IL1RAPL2: variants seen among roughly 807,000 people sequenced by gnomAD.
The protein encoded by IL1RAPL2 is interleukin 1 receptor accessory protein like 2, also known as X-linked interleukin-1 receptor accessory protein-like 2.
IL1RAPL2 carries 3 observed loss-of-function variants against 44.1 expected under a neutral mutation model. The ratio of observed to expected loss-of-function variants is 0.07; its 90% CI spans 0.03 to 0.18. The LOEUF (loss-of-function observed/expected upper bound fraction) is 0.18. Ranked by LOEUF, IL1RAPL2 falls within the 10% of genes least tolerant of loss-of-function variation. The pLI is 1.00. For missense variants in IL1RAPL2, 391 were observed against 496.4 expected (o/e 0.79, Z 2.02); for synonymous variants, 181 against 178.8 (o/e 1.01, Z -0.10).
intron 2 of IL1RAPL2, among the ~76,000 whole-genome samples, chrX:104,777,461 G>T (rs994538402): frequency 9.2e-6 from 1 of 109,117 alleles, no homozygotes; most frequent in African/African-American, 3.3e-5. Context: ...GAACACTTGG[G>T]TTGCTTCCAC....
At position 105,074,522 on chromosome X, in the gene IL1RAPL2, T is replaced by G. The variant is rs573127739; in HGVS notation, c.83-120953T>G. Among the ~76,000 whole-genome samples the G allele has an allele frequency of 5.0e-3, 551 of 110,490 alleles. 3 individuals are homozygous for G. The highest frequency in any genetic ancestry group is 8.0e-3 in the Non-Finnish European group (422 of 52,831). On this transcript the variant is annotated intron_variant, in intron 2 of 10. Coordinates refer to ENST00000372582, the MANE Select transcript of IL1RAPL2 (RefSeq NM_017416.2). The stretch of plus-strand genomic sequence containing the variant: ...TGGCTTAGGATTGACTTGGCAATGC[T>G]GGCTCTTTTTTGGTTCCATATGAAC...
intron 2 of IL1RAPL2, among the ~76,000 whole-genome samples, chrX:104,904,263 A>G (rs1253944300): frequency 9.1e-6 from 1 of 110,312 alleles, no homozygotes; most frequent in African/African-American, 3.3e-5. Flanking sequence ...ACACACACAT[A>G]CACATATATA....
intron 2 of IL1RAPL2, among the ~76,000 whole-genome samples, chrX:104,660,224 C>T: frequency 9.0e-6 from 1 of 110,978 alleles, no homozygotes; most frequent in Middle Eastern, 4.6e-3. Context: ...GGCTGCCTTT[C>T]CTTGCTTTAC....
At chrX:104,823,412 A>C (rs377376054) in intron 2 of IL1RAPL2, among the ~76,000 whole-genome samples, 15 of 110,643 alleles carry the variant, frequency 1.4e-4, no homozygotes, top group East Asian at 2.8e-4. Flanking sequence ...ATCCATGTCC[A>C]TACAAAGGAC....
chrX:105,620,502 A>G (rs1287384838), intron 6 of IL1RAPL2, among the ~76,000 whole-genome samples: 1 of 110,729 alleles, frequency 9.0e-6, no homozygotes, highest in Non-Finnish European at 1.9e-5. Context: ...ATAAAAATCT[A>G]CTTATTATCC....
At chrX:104,777,919 T>C (rs1932746099) in intron 2 of IL1RAPL2, among the ~76,000 whole-genome samples, 1 of 111,154 alleles carries the variant, frequency 9.0e-6, no homozygotes. Context: ...AATTCTACTT[T>C]TAATATTTTG....
intron 5 of IL1RAPL2, among the ~76,000 whole-genome samples, chrX:105,356,020 A>AATACTCT (rs2035199621): frequency 9.0e-6 from 1 of 111,328 alleles, no homozygotes; most frequent in Admixed American, 9.7e-5. Flanking sequence ...TAAATTGGGA[A>AATACTCT]ATACTCTATG....
At chrX:105,033,558 C>G (rs1472143643) in intron 2 of IL1RAPL2, among the ~76,000 whole-genome samples, 3 of 112,056 alleles carry the variant, frequency 2.7e-5, no homozygotes, top group African/African-American at 6.5e-5. Context: ...GGCCCCCACT[C>G]TCTTCTGGCT....
intron 6 of IL1RAPL2, among the ~76,000 whole-genome samples, chrX:105,693,205 C>T (rs1194696116): frequency 8.9e-6 from 1 of 112,257 alleles, no homozygotes; most frequent in African/African-American, 3.2e-5. Flanking sequence ...GTAAAAGAGA[C>T]ATTGCAAATG....
At chrX:104,576,260 G>T (rs994341762) in intron 1 of IL1RAPL2, among the ~76,000 whole-genome samples, 2 of 111,070 alleles carry the variant, frequency 1.8e-5, no homozygotes, top group African/African-American at 6.5e-5. Flanking sequence ...AGCCAGTCTC[G>T]CTCTAAAATC....
At chrX:105,115,323 G>A (rs2032843697) in intron 2 of IL1RAPL2, among the ~76,000 whole-genome samples, 1 of 111,493 alleles carries the variant, frequency 9.0e-6, no homozygotes, top group African/African-American at 3.3e-5. Flanking sequence ...TGTGGACGGG[G>A]ACCAGAACCG....
intron 6 of IL1RAPL2, among the ~76,000 whole-genome samples, chrX:105,630,778 C>G (rs769106334): frequency 2.1e-3 from 238 of 110,718 alleles, no homozygotes; most frequent in Non-Finnish European, 3.5e-3. Context: ...AAAAAAAGAA[C>G]AGAGATATCA....
At chrX:105,512,589 A>G (rs561676682) in intron 6 of IL1RAPL2, among the ~76,000 whole-genome samples, 1 of 111,809 alleles carries the variant, frequency 8.9e-6, no homozygotes, top group African/African-American at 3.2e-5. Flanking sequence ...TTAACATATC[A>G]CATTTACTGA....
intron 2 of IL1RAPL2, among the ~76,000 whole-genome samples, chrX:104,810,135 A>G (rs1235030760): frequency 3.6e-5 from 4 of 109,920 alleles, no homozygotes; most frequent in Non-Finnish European, 5.7e-5. Context: ...GAAATTGGAA[A>G]TCATCATTCT....
At chrX:104,633,532 C>G (rs1306978905) in intron 1 of IL1RAPL2, among the ~76,000 whole-genome samples, 1 of 111,774 alleles carries the variant, frequency 8.9e-6, no homozygotes, top group Non-Finnish European at 1.9e-5. Context: ...TGTTATTTGT[C>G]TGTTCAGAGA....
intron 5 of IL1RAPL2, among the ~76,000 whole-genome samples, chrX:105,408,880 A>G (rs891467508): frequency 2.1e-3 from 3 of 1,438 alleles, no homozygotes; most frequent in African/African-American, 3.6e-3. Context: ...AAAGTGTTGA[A>G]AAAAAAAAAA....
chrX:104,698,343 G>T (rs1007673796), intron 2 of IL1RAPL2, among the ~76,000 whole-genome samples: 1 of 112,112 alleles, frequency 8.9e-6, no homozygotes, highest in Non-Finnish European at 1.9e-5. Context: ...AAAGAGAAAA[G>T]GTTTATATAA....
At chrX:105,219,036 G>C (rs782651786) in intron 3 of IL1RAPL2, 7 of 1,211,301 alleles carry the variant, frequency 5.8e-6, no homozygotes, top group South Asian at 3.5e-5. Context: ...AATTCACAGC[G>C]TTACACCAAG....
intron 2 of IL1RAPL2, among the ~76,000 whole-genome samples, chrX:104,924,914 G>A (rs1222070504): frequency 9.1e-6 from 1 of 110,344 alleles, no homozygotes; most frequent in Non-Finnish European, 1.9e-5. Context: ...TTAAAAGTTG[G>A]TTTTTTAAAA....
Sources: allele counts gnomAD v4.1 joint callset (sites outside exome capture counted in the v4.1 genomes callset), GRCh38; gene constraint gnomAD v4.1.1; transcripts MANE v1.5; gene names NCBI Gene and HGNC (gene_info 2026-07-23, HGNC 2026-07-21).